Variants in MSI2 observed in about 807,000 individuals in gnomAD.
MSI2 encodes RNA-binding protein Musashi homolog 2.
MSI2 carries 17 observed loss-of-function variants against 45.6 expected under a neutral mutation model. That is an observed-to-expected ratio of 0.37 (90% CI 0.26 to 0.56). MSI2 has a LOEUF of 0.56. MSI2 is among the 20% of genes least tolerant of loss of function. The pLI, the probability that MSI2 is intolerant of heterozygous loss-of-function variation, is 0.77. For synonymous variants in MSI2, 156 were observed against 158.2 expected, an observed-to-expected ratio of 0.99 and a Z score of 0.11; for missense variants, 293 against 444.2, an observed-to-expected ratio of 0.66 and a Z score of 3.06.
chr17:57,429,838 G>A (rs12603207), intron 6 of MSI2, among the ~76,000 whole-genome samples: 58,594 of 152,094 alleles, frequency 0.39, 13,466 homozygotes, highest in East Asian at 0.58. Context: ...CACTTTGAGC[G>A]CATTCACTCT....
At chr17:57,470,957 T>TAA (rs201376352) in intron 6 of MSI2, among the ~76,000 whole-genome samples, 1,552 of 152,214 alleles carry the variant, frequency 0.01, 38 homozygotes, top group African/African-American at 0.036. Flanking sequence ...TGCTCTGGAG[T>TAA]GGCCACCCCA....
chr17:57,283,649 CAAAA>C (rs1356178863), intron 5 of MSI2, among the ~76,000 whole-genome samples: 1 of 152,088 alleles, frequency 6.6e-6, no homozygotes, highest in Non-Finnish European at 1.5e-5. Context: ...AACAAACAAA[CAAAA>C]AAACTCGATT....
the MSI2 span, among the ~76,000 whole-genome samples, chr17:57,698,830 C>T: frequency 6.6e-6 from 1 of 151,910 alleles, no homozygotes; most frequent in African/African-American, 2.4e-5. Context: ...CATAGTTCCT[C>T]TCCTCAGAGG....
At chr17:57,507,225 CTGTGTGTGTGTGTGTGTGTGTGTGTGTG>C (rs71140002) in intron 6 of MSI2, among the ~76,000 whole-genome samples, 2 of 51,250 alleles carry the variant, frequency 3.9e-5, no homozygotes, top group Admixed American at 1.9e-4. Context: ...CTTTGTCTCT[CTGTGTGTGTGTGTGTGTGTGTGTGTGTG>C]TGTGTGTGTG....
intron 9 of MSI2, among the ~76,000 whole-genome samples, chr17:57,623,176 T>C (rs1418619765): frequency 2.0e-5 from 3 of 152,138 alleles, no homozygotes; most frequent in Admixed American, 6.6e-5. Flanking sequence ...GCACTTGGTG[T>C]TTAGTCTGTT....
intron 3 of MSI2, 134 bp downstream of exon 3, chr17:57,257,681 A>G: frequency 1.6e-6 from 1 of 622,110 alleles, no homozygotes; most frequent in Admixed American, 2.8e-5. Flanking sequence ...ACGGCGCTCT[A>G]TACCACCCCC....
chr17:57,632,808 C>T, intron 10 of MSI2: 1 of 1,065,258 alleles, frequency 9.4e-7, no homozygotes, highest in Non-Finnish European at 1.1e-6. Context: ...CCATTTGATG[C>T]ATTTGATGTG....
At chr17:57,485,046 C>T (rs1291851208) in intron 6 of MSI2, among the ~76,000 whole-genome samples, 1 of 152,230 alleles carries the variant, frequency 6.6e-6, no homozygotes, top group East Asian at 1.9e-4. Context: ...CTGAATTTCC[C>T]AGGGTGCCTC....
intron 5 of MSI2, among the ~76,000 whole-genome samples, chr17:57,316,589 G>C (rs1480592226): frequency 6.6e-6 from 1 of 152,312 alleles, no homozygotes; most frequent in East Asian, 1.9e-4. Context: ...GCCTCCTGAA[G>C]TGCTGGGATT....
At chr17:57,650,820 T>C (rs1911087116) in intron 10 of MSI2, among the ~76,000 whole-genome samples, 1 of 152,176 alleles carries the variant, frequency 6.6e-6, no homozygotes, top group African/African-American at 2.4e-5. Flanking sequence ...TTCGCTCTGT[T>C]TGGGGGAGCT....
In MSI2 at chr17:57,557,121, C is replaced by A. The variant is rs182643439; in HGVS notation, c.454+27397C>A. ...TCCTCATCCCTGCCTGAGGAGTGAA[C>A]AGACTGAGGGGTAAGCCAAAGGCAT... On this transcript the variant is annotated intron_variant, in intron 7 of 13. Transcript: ENST00000284073. Among the ~76,000 whole-genome samples the A allele has an allele frequency of 6.6e-5, 10 of 152,272 alleles. No individual in the cohort carries two copies. In the East Asian group the frequency reaches 1.9e-3, roughly 29 times the overall value.
chr17:57,582,201 C>T (rs1161030633), intron 7 of MSI2, among the ~76,000 whole-genome samples: 3 of 152,164 alleles, frequency 2.0e-5, no homozygotes, highest in Admixed American at 1.3e-4. Context: ...GAATAAGAGG[C>T]AACTTCAGAA....
At chr17:57,285,994 T>G in intron 5 of MSI2, 2 of 1,533,050 alleles carry the variant, frequency 1.3e-6, no homozygotes, top group East Asian at 4.9e-5. Context: ...CTGTTTTATA[T>G]TCCTGCAATC....
At chr17:57,379,530 C>G (rs932231817) in intron 5 of MSI2, among the ~76,000 whole-genome samples, 1 of 150,148 alleles carries the variant, frequency 6.7e-6, no homozygotes, top group African/African-American at 2.5e-5. Context: ...AAAAGCCAGG[C>G]CTGATACTTT....
At chr17:57,482,610 G>T (rs1293710087) in intron 6 of MSI2, among the ~76,000 whole-genome samples, 1 of 152,208 alleles carries the variant, frequency 6.6e-6, no homozygotes, top group Non-Finnish European at 1.5e-5. Flanking sequence ...CCTTGGACAA[G>T]TTCCTTTATC....
At position 57,384,333 on chromosome 17, in the gene MSI2, A is replaced by T. The variant is rs8080443; in HGVS notation, c.313-17046A>T. Among the ~76,000 whole-genome samples the T allele has an allele frequency of 6.1e-3, 935 of 152,222 alleles. 16 individuals are homozygous for T. Among genetic ancestry groups the T allele is most frequent in the African/African-American group, 0.022 (910 of 41,520 alleles). ...ATTATCTGAAGGCTTGTTCACTCAT[A>T]TGTCTGGCTCCTGAACTGGGATGAT... On this transcript the variant is annotated intron_variant, in intron 5 of 13. Transcript: ENST00000284073.
intron 5 of MSI2, among the ~76,000 whole-genome samples, chr17:57,375,357 A>G (rs1010718475): frequency 1.3e-5 from 2 of 152,352 alleles, no homozygotes; most frequent in Non-Finnish European, 1.5e-5. Context: ...TTTGTGGTAT[A>G]GAGCCAGGAG....
intron 8 of MSI2, among the ~76,000 whole-genome samples, chr17:57,598,955 G>C (rs1003163744): frequency 2.0e-5 from 3 of 152,230 alleles, no homozygotes; most frequent in African/African-American, 7.2e-5. Flanking sequence ...GAGCCACTGT[G>C]CCCGACCAGT....
intron 10 of MSI2, among the ~76,000 whole-genome samples, chr17:57,639,368 A>G (rs948831202): frequency 1.3e-5 from 2 of 152,206 alleles, no homozygotes; most frequent in African/African-American, 4.8e-5. Flanking sequence ...TGGATTCCCC[A>G]TCTGGGCAGA....
Sources: gnomAD v4.1 joint callset for allele counts (sites outside exome capture counted in the v4.1 genomes callset) on GRCh38, gnomAD v4.1.1 for gene constraint, MANE v1.5 for transcripts, NCBI Gene and HGNC (gene_info 2026-07-23, HGNC 2026-07-21) for gene names.